The following CHD9 variants were observed in gnomAD, a reference collection of about 807,000 sequenced individuals.
The protein encoded by CHD9 is chromodomain helicase DNA binding protein 9.
In CHD9, 77 loss-of-function variants were observed where a neutral mutation model predicts 316.1. The observed-to-expected ratio is 0.24, with a 90% CI of 0.20 to 0.29. The LOEUF (loss-of-function observed/expected upper bound fraction) is 0.29. CHD9 is among the 10% of genes least tolerant of loss of function. The pLI is 1.00. For missense variants in CHD9, 2,763 were observed against 3,438.1 expected (o/e 0.80, Z 4.91); for synonymous variants, 1,129 against 1,158.3 (o/e 0.97, Z 0.51).
intron 1 of CHD9, among the ~76,000 whole-genome samples, chr16:53,130,107 G>A (rs1282899473): frequency 6.6e-6 from 1 of 152,186 alleles, no homozygotes; most frequent in Non-Finnish European, 1.5e-5. Flanking sequence ...TGAGCCTCGG[G>A]AAGACAGGGT....
In CHD9 at chr16:53,122,868, G is replaced by A. The variant is rs528586098; in HGVS notation, c.-164-33058G>A. ...ACTATAGGCGCCCGCTACCACGCCC[G>A]GCTAATTTTTTTTTTTTTTTTGTAT... is the stretch of plus-strand genomic sequence containing the variant. On this transcript the variant is annotated intron_variant, in intron 1 of 38. Coordinates refer to ENST00000447540, the MANE Select transcript of CHD9 (RefSeq NM_001308319.2). Among the ~76,000 whole-genome samples the A allele has an allele frequency of 4.7e-5, 7 of 148,438 alleles. No individual in the cohort carries two copies. The East Asian group carries it at 6.6e-4, about 14-fold the overall frequency.
At chr16:53,199,042 A>G (rs1269348348) in intron 2 of CHD9, among the ~76,000 whole-genome samples, 1 of 151,486 alleles carries the variant, frequency 6.6e-6, no homozygotes, top group African/African-American at 2.4e-5. Context: ...ATTGAGAAGC[A>G]TTACTCAGAG....
At chr16:53,200,266 G>A (rs2045332386) in intron 2 of CHD9, among the ~76,000 whole-genome samples, 2 of 151,664 alleles carry the variant, frequency 1.3e-5, no homozygotes, top group African/African-American at 4.8e-5. Context: ...AGCTACTTGG[G>A]AGGCTGAGGC....
At position 53,307,755 on chromosome 16, in the gene CHD9, A is replaced by C; in HGVS notation, c.6855A>C (p.Arg2285Ser). The C allele has an allele frequency of 1.2e-6, 2 of 1,612,834 alleles. No homozygotes were observed. The highest frequency in any genetic ancestry group is 1.7e-6 in the Non-Finnish European group (2 of 1,179,420). ...AAGGAAAGTGGCCTTCAGCTAGAAG[A>C]AGTTATGATGCTAACACAGTGGCTT... ...VLKGKWPSARRSYDANTVASF... is the reference protein window; with the variant it reads ...VLKGKWPSARSSYDANTVASF... Residue 2285 changes from arginine to serine, a missense_variant, in exon 33 of 39, where the codon AGA becomes AGC. Transcript: ENST00000447540.
intron 20 of CHD9, among the ~76,000 whole-genome samples, chr16:53,266,650 A>G (rs1029808045): frequency 9.2e-5 from 14 of 152,222 alleles, no homozygotes; most frequent in African/African-American, 2.9e-4. Context: ...TTATGAGTAG[A>G]AACAGCCTTA....
intron 24 of CHD9, among the ~76,000 whole-genome samples, chr16:53,280,225 T>A (rs2053273251): frequency 6.6e-6 from 1 of 152,214 alleles, no homozygotes; most frequent in Non-Finnish European, 1.5e-5. Flanking sequence ...TGCTCACACA[T>A]GTTTATAGCA....
chr16:53,058,894 C>G (rs1410206019), intron 1 of CHD9, among the ~76,000 whole-genome samples: 1 of 152,142 alleles, frequency 6.6e-6, no homozygotes, highest in Non-Finnish European at 1.5e-5. Flanking sequence ...GGGTCTTGCT[C>G]TGTCACCCAT....
intron 17 of CHD9, among the ~76,000 whole-genome samples, chr16:53,251,520 G>A (rs1054161836): frequency 2.0e-5 from 3 of 152,100 alleles, no homozygotes; most frequent in Non-Finnish European, 2.9e-5. Flanking sequence ...TACAGTCCTG[G>A]GTTCCAAATG....
rs1363710837 is a variant in CHD9, at chr16:53,156,673, A to T, written c.584A>T (p.Gln195Leu). Residue 195 changes from glutamine to leucine, a missense_variant, in exon 2 of 39, where the codon CAG (glutamine) becomes CTG (leucine). By Grantham distance (113) the Gln-to-Leu change is moderately radical. Coordinates refer to ENST00000447540, the MANE Select transcript of CHD9 (RefSeq NM_001308319.2). ...NLNPGQNSLS[Q>L]SKNFMNVSGP... ...AACCCAGGGCAGAATTCTCTTAGCC[A>T]GTCTAAAAATTTTATGAATGTTTCT... The T allele has an allele frequency of 6.2e-7, 1 of 1,613,878 alleles. No individual in the cohort carries two copies. The highest frequency in any genetic ancestry group is 1.3e-5 in the African/African-American group (1 of 74,950).
chr16:53,315,687 C>T (rs768709970), intron 36 of CHD9, among the ~76,000 whole-genome samples: 59 of 152,070 alleles, frequency 3.9e-4, no homozygotes, highest in Non-Finnish European at 7.2e-4. Flanking sequence ...CCATGTTGGC[C>T]AAGGCTGGTC....
At chr16:53,294,521 G>A (rs1306411951) in intron 29 of CHD9, among the ~76,000 whole-genome samples, 1 of 152,078 alleles carries the variant, frequency 6.6e-6, no homozygotes, top group East Asian at 1.9e-4. Context: ...CTGTTGGCTG[G>A]GTTTCTGAGA....
intron 1 of CHD9, among the ~76,000 whole-genome samples, chr16:53,108,172 A>G (rs1259871474): frequency 2.6e-5 from 4 of 152,210 alleles, no homozygotes. Flanking sequence ...ATTATTAGCA[A>G]TACCCACTTT....
chr16:53,105,245 C>G (rs1264345921), intron 1 of CHD9, among the ~76,000 whole-genome samples: 8 of 151,986 alleles, frequency 5.3e-5, no homozygotes, highest in African/African-American at 1.9e-4. Flanking sequence ...CCCTGTCCCC[C>G]CAGTATCCAG....
At chr16:53,319,879 G>A in intron 37 of CHD9, 2 of 1,166,708 alleles carry the variant, frequency 1.7e-6, no homozygotes, top group Non-Finnish European at 1.1e-6. Context: ...CCCCCAAGAG[G>A]GCCTCCATTT....
intron 11 of CHD9, among the ~76,000 whole-genome samples, chr16:53,236,612 A>AG: frequency 7.5e-6 from 1 of 133,494 alleles, no homozygotes; most frequent in African/African-American, 3.0e-5. Flanking sequence ...CTGTCTCCCC[A>AG]TTCCCCCCCA....
chr16:53,056,672 T>C (rs1187829250), intron 1 of CHD9, among the ~76,000 whole-genome samples: 1 of 152,234 alleles, frequency 6.6e-6, no homozygotes, highest in African/African-American at 2.4e-5. Context: ...AAACACTAGC[T>C]ATCACTGCTG....
chr16:53,150,763 CA>C (rs2041035321), intron 1 of CHD9, among the ~76,000 whole-genome samples: 1 of 152,178 alleles, frequency 6.6e-6, no homozygotes, highest in African/African-American at 2.4e-5. Context: ...TCTTAGTCAA[CA>C]GTTTTTTTCT....
At chr16:53,153,118 C>T (rs943026634) in intron 1 of CHD9, among the ~76,000 whole-genome samples, 1 of 152,068 alleles carries the variant, frequency 6.6e-6, no homozygotes, top group Non-Finnish European at 1.5e-5. Flanking sequence ...TGTGAAGGTC[C>T]GTATGCCCTC....
At position 53,320,614 on chromosome 16, in the gene CHD9, G is replaced by T. The variant is rs563972021; in HGVS notation, c.7714-912G>T. Among the ~76,000 whole-genome samples the T allele has an allele frequency of 2.6e-5, 4 of 152,088 alleles. No individual in the cohort carries two copies. In the East Asian group the frequency reaches 7.7e-4, roughly 29 times the overall value. ...GATATAGTATTTAATCATTCAAAGT[G>T]GTATAGAAGAAGAAATTACTCAAGA... On this transcript the variant is annotated intron_variant, in intron 37 of 38. Transcript: ENST00000447540.
Sources: allele counts gnomAD v4.1 joint callset (sites outside exome capture counted in the v4.1 genomes callset), GRCh38; gene constraint gnomAD v4.1.1; transcripts MANE v1.5; gene names NCBI Gene and HGNC (gene_info 2026-07-23, HGNC 2026-07-21).